The following GIPC1 variants were observed in gnomAD, a reference collection of about 807,000 sequenced individuals.
GIPC1 encodes the protein PDZ domain-containing protein GIPC1.
Under a neutral mutation model 28.5 loss-of-function variants are expected in GIPC1, and 15 were observed. That is an observed-to-expected ratio of 0.53 (90% CI 0.35 to 0.81). The LOEUF (loss-of-function observed/expected upper bound fraction) is 0.81. GIPC1 is among the 30% of genes least tolerant of loss of function. The pLI is 0.01. For synonymous variants in GIPC1, 224 were observed against 206.1 expected (o/e 1.09, Z -0.74); for missense variants, 439 against 481.9 (o/e 0.91, Z 0.83).
At position 14,478,061 on chromosome 19, in the gene GIPC1, G is replaced by C; in HGVS notation, c.*355C>G. 4.0e-6 allele frequency: 1 copy of C among 250,008 alleles called. No homozygotes were observed. Among genetic ancestry groups the C allele is most frequent in the East Asian group, 7.9e-5 (1 of 12,684 alleles). The allele number at this position is 250,008 out of a possible 1,614,324, so 15.5% of individuals were successfully genotyped here. The stretch of plus-strand genomic sequence containing the variant: ...CTAGGAAGGTCATGACCCCCAAACA[G>C]AACCCAAGGCCCCAGGGAGACAGAG... On this transcript the variant is annotated 3_prime_UTR_variant, in exon 9 of 9. Transcript: ENST00000393033. This position sits in a 1 kb window ranked among gnomAD's most constrained non-coding sequence, Gnocchi z 5.2.
At chr19:14,486,062 G>T (rs1313937102) in intron 3 of GIPC1, among the ~76,000 whole-genome samples, 1 of 152,058 alleles carries the variant, frequency 6.6e-6, no homozygotes, top group Non-Finnish European at 1.5e-5. Flanking sequence ...GAGCCACTGC[G>T]CCTGGCAAGG....
chr19:14,496,071 G>GCCGCCGCCGCTGCCT lies in GIPC1; in HGVS notation c.-210_-209insAGGCAGCGGCGGCGG. The GCCGCCGCCGCTGCCT allele has an allele frequency of 4.1e-6, 1 of 246,220 alleles. No individual in the cohort carries two copies. The highest frequency in any genetic ancestry group is 7.6e-6 in the Non-Finnish European group (1 of 131,734). 15.3% of individuals were successfully genotyped at this position (246,220 alleles called of 1,614,324 possible). On this transcript the variant is annotated 5_prime_UTR_variant, in exon 1 of 9. Transcript: ENST00000393033. ...CGCCGCCGCCGCCGCCGCCGCCGCC[G>GCCGCCGCCGCTGCCT]CCGCTGCCTCCGCCTCCCCGTGCGC...
At position 14,493,561 on chromosome 19, in the gene GIPC1, G is replaced by A. The variant is rs903575014; in HGVS notation, c.-174-649C>T. On this transcript the variant is annotated intron_variant, in intron 1 of 8. Transcript: ENST00000393033. Reference sequence around the variant, plus strand: ...CAACCTCCACCTCCTGGGTTCAAACGATTCTTCTGCCCTAGCCTCCTGAGT... The same window carrying A: ...CAACCTCCACCTCCTGGGTTCAAACAATTCTTCTGCCCTAGCCTCCTGAGT... Among the ~76,000 whole-genome samples the A allele has an allele frequency of 3.3e-5, 5 of 152,056 alleles. No individual in the cohort carries two copies. In the East Asian group the frequency reaches 7.7e-4, roughly 24 times the overall value.
chr19:14,481,231 C>T (rs775246292), intron 4 of GIPC1, among the ~76,000 whole-genome samples: 7 of 152,114 alleles, frequency 4.6e-5, no homozygotes, highest in African/African-American at 7.2e-5. Flanking sequence ...CTCAGTCTCC[C>T]GAGTAGCTGG....
chr19:14,480,316 C>G lies in GIPC1; in HGVS notation c.644G>C (p.Arg215Pro). 1.2e-6 allele frequency: 2 copies of G among 1,610,750 alleles called. No individual in the cohort carries two copies. The highest frequency in any genetic ancestry group is 1.7e-6 in the Non-Finnish European group (2 of 1,179,624). The change falls in exon 6 of 9, where the codon CGC (arginine) becomes CCC (proline). Residue 215 changes from arginine (R) to proline (P), a missense_variant. Coordinates refer to ENST00000393033, the MANE Select transcript of GIPC1 (RefSeq NM_005716.4). ...GGGCGGCTCCTCACCGAAGGCCTTG[C>G]GAGGCTCCGTGAGCTTCAGCGTGAA... is the stretch of plus-strand genomic sequence containing the variant. ...RTFTLKLTEP[R>P]KAFDMISQRS...
In GIPC1 at chr19:14,495,861, C is replaced by G. The variant is rs534044096; in HGVS notation, c.-175+176G>C. On this transcript the variant is annotated intron_variant, in intron 1 of 8. Coordinates refer to ENST00000393033, the MANE Select transcript of GIPC1 (RefSeq NM_005716.4). ...GCCAGCAGGAAGGGAGCTGCCCCCA[C>G]CACCCCCCACCCCCGCTTCCCCTGG... Among the ~76,000 whole-genome samples, 501 of 148,454 alleles carry G rather than the reference C, an allele frequency of 3.4e-3. 4 individuals carry two copies. Among genetic ancestry groups the G allele is most frequent in the African/African-American group, 0.012 (477 of 40,338 alleles).
In GIPC1 at chr19:14,480,350, C is replaced by T. The variant is rs1213747900; in HGVS notation, c.610G>A (p.Gly204Ser). The change falls in exon 6 of 9, where the codon GGC becomes AGC. Residue 204 changes from glycine to serine, a missense_variant. Transcript: ENST00000393033. ...GTGAGCTTCAGCGTGAAGGTACGGC[C>T]TCGGGGCAGCTCCTTGAGCAGCCGG... is the stretch of plus-strand genomic sequence containing the variant. ...VARLLKELPR[G>S]RTFTLKLTEP... 1 of 1,612,058 alleles carries T rather than the reference C, an allele frequency of 6.2e-7. No homozygotes were observed.
Position 14,479,485 on chromosome 19 carries a change from G to GAGCC in GIPC1, c.691_694dup (p.Ser232TrpfsTer31). 1.4e-6 allele frequency: 2 copies of GAGCC among 1,444,386 alleles called. No individual in the cohort carries two copies. The highest frequency in any genetic ancestry group is 1.8e-6 in the Non-Finnish European group (2 of 1,102,544). 89.5% of individuals were successfully genotyped at this position (1,444,386 alleles called of 1,614,324 possible). On this transcript the variant is annotated frameshift_variant, in exon 7 of 9. Coordinates refer to ENST00000393033, the MANE Select transcript of GIPC1 (RefSeq NM_005716.4). LOFTEE classifies it high-confidence loss of function. ...TCGGCCAGTGCCCAGTTGTGGGCCA[G>GAGCC]AGCCAGGGCGGCCACCCGCTGAACG... is the stretch of plus-strand genomic sequence containing the variant.
Position 14,478,173 on chromosome 19 carries a change from C to T in GIPC1, c.*243G>A, listed in dbSNP as rs192830820. ...TGATCCCTCCCCTCCCTGTGCCTGA[C>T]CCAGCTGAGGTAGGTGGGGAACAGG... is the stretch of plus-strand genomic sequence containing the variant. On this transcript the variant is annotated 3_prime_UTR_variant, in exon 9 of 9. Coordinates refer to ENST00000393033, the MANE Select transcript of GIPC1 (RefSeq NM_005716.4). The surrounding 1 kb of genome is among the most constrained non-coding windows in gnomAD (Gnocchi z 5.2). 3,948 of 477,704 alleles carry T rather than the reference C, an allele frequency of 8.3e-3. 20 individuals carry two copies. Among genetic ancestry groups the T allele is most frequent in the Non-Finnish European group, 0.013 (3,390 of 267,468 alleles). The allele number at this position is 477,704 out of a possible 1,614,324, so 29.6% of individuals were successfully genotyped here. A position where few individuals can be genotyped will look rare whatever the true frequency, so the allele number is the denominator to read the frequency against.
At position 14,478,565 on chromosome 19, in the gene GIPC1, C is replaced by T; in HGVS notation, c.853G>A (p.Ala285Thr). The T allele has an allele frequency of 6.2e-7, 1 of 1,613,946 alleles. No individual in the cohort carries two copies. Residue 285 changes from alanine to threonine, a missense_variant and splice_region_variant, in exon 9 of 9, where the codon GCC (alanine) becomes ACC (threonine). Physicochemically the swap from Ala to Thr is moderately conservative, Grantham distance 58 (BLOSUM62 0). Coordinates refer to ENST00000393033, the MANE Select transcript of GIPC1 (RefSeq NM_005716.4). The surrounding 1 kb of genome is among the most constrained non-coding windows in gnomAD (Gnocchi z 5.2). ...TCCTTTCCCAGCTCCACCATGGTGG[C>T]CGCTATTGGGGGAGGGGTCAGAACG... ...YMGIRDTELAATMVELGKDKR... is the reference protein window; with the variant it reads ...YMGIRDTELATTMVELGKDKR...
chr19:14,494,577 G>A (rs1454732875), intron 1 of GIPC1, among the ~76,000 whole-genome samples: 1 of 152,192 alleles, frequency 6.6e-6, no homozygotes, highest in Non-Finnish European at 1.5e-5. Flanking sequence ...TAGGGATTTT[G>A]TTTTGTTCAC....
rs1035186546 is a variant in GIPC1, at chr19:14,478,221, G to T, written c.*195C>A. The T allele has an allele frequency of 1.8e-6, 1 of 565,108 alleles. No individual in the cohort carries two copies. The highest frequency in any genetic ancestry group is 3.0e-6 in the Non-Finnish European group (1 of 328,164). The allele number at this position is 565,108 out of a possible 1,614,324, so 35.0% of individuals were successfully genotyped here. On this transcript the variant is annotated 3_prime_UTR_variant, in exon 9 of 9. Coordinates refer to ENST00000393033, the MANE Select transcript of GIPC1 (RefSeq NM_005716.4). This position sits in a 1 kb window ranked among gnomAD's most constrained non-coding sequence, Gnocchi z 5.2. ...AGGGCACAGGGGGGCCGGGGACCCC[G>T]GCCAGACTGGGAACCAGGGAGGGGA...
Position 14,484,701 on chromosome 19 carries a change from C to T in GIPC1, c.-30-1695G>A, listed in dbSNP as rs188554230. Among the ~76,000 whole-genome samples the T allele has an allele frequency of 1.6e-3, 249 of 150,992 alleles. 2 individuals are homozygous for T. The South Asian group carries it at 0.019, about 12-fold the overall frequency. On this transcript the variant is annotated intron_variant, in intron 3 of 8. Transcript: ENST00000393033. ...GGCGGAGGTTGCAGTGAGCTGAGAC[C>T]GTGCCATTGCCTGGGTGACAGAATG...
At chr19:14,485,141 C>A (rs1404101564) in intron 3 of GIPC1, among the ~76,000 whole-genome samples, 2 of 151,658 alleles carry the variant, frequency 1.3e-5, no homozygotes, top group Non-Finnish European at 1.5e-5. Flanking sequence ...GCCTGGGCAA[C>A]AGAGCAAGAC....
chr19:14,490,575 G>A (rs997893269), intron 3 of GIPC1, among the ~76,000 whole-genome samples: 5 of 151,864 alleles, frequency 3.3e-5, no homozygotes, highest in Admixed American at 6.6e-5. Flanking sequence ...TACTAGGGAG[G>A]CTGAGGCAGG....
intron 3 of GIPC1, among the ~76,000 whole-genome samples, chr19:14,485,684 AATATATAT>A (rs141749727): frequency 6.9e-5 from 5 of 72,470 alleles, no homozygotes; most frequent in South Asian, 9.6e-4. Flanking sequence ...TAAATAAACA[AATATATAT>A]ATATATATAT....
In GIPC1 at chr19:14,478,660, C is replaced by T; in HGVS notation, c.850+24G>A. On this transcript the variant is annotated intron_variant, in intron 8 of 8. Transcript: ENST00000393033. This position sits in a 1 kb window ranked among gnomAD's most constrained non-coding sequence, Gnocchi z 5.2. The stretch of plus-strand genomic sequence containing the variant: ...GGCCCCCAGCAGACCTAGATGCCCC[C>T]TCCCCCAGGCAGCCCTCACTCACCC... 6.2e-7 allele frequency: 1 copy of T among 1,612,408 alleles called. No individual in the cohort carries two copies.
In GIPC1 at chr19:14,496,064, C is replaced by CGCCGCCGCT. The variant is rs1555723681; in HGVS notation, c.-203_-202insAGCGGCGGC. ...GCTCCGCCGCCGCCGCCGCCGCCGC[C>CGCCGCCGCT]GCCGCCGCCGCTGCCTCCGCCTCCC... On this transcript the variant is annotated 5_prime_UTR_variant, in exon 1 of 9. Transcript: ENST00000393033. The CGCCGCCGCT allele has an allele frequency of 5.7e-4, 143 of 251,478 alleles. 2 individuals carry two copies. The East Asian group carries it at 0.013, about 23-fold the overall frequency. The allele number at this position is 251,478 out of a possible 1,614,324, so 15.6% of individuals were successfully genotyped here.
intron 3 of GIPC1, among the ~76,000 whole-genome samples, chr19:14,485,740 G>GAC (rs2071829659): frequency 7.1e-6 from 1 of 141,696 alleles, no homozygotes; most frequent in East Asian, 2.0e-4. Flanking sequence ...GAGAGAGAGA[G>GAC]ACAGAGAGAG....
Sources: gnomAD v4.1 joint callset for allele counts (sites outside exome capture counted in the v4.1 genomes callset) on GRCh38, gnomAD v4.1.1 for gene constraint, Gnocchi (gnomAD v3.1) non-coding constraint, MANE v1.5 for transcripts, NCBI Gene and HGNC (gene_info 2026-07-23, HGNC 2026-07-21) for gene names.